Variants in DTNA observed in about 807,000 individuals in gnomAD.
DTNA encodes dystrophin-related protein 3.
A neutral mutation model predicts 100.7 loss-of-function variants in DTNA; 43 were observed. That is an observed-to-expected ratio of 0.43 (90% CI 0.33 to 0.55). The LOEUF is 0.55. Ranked by LOEUF, DTNA falls within the 20% of genes least tolerant of loss-of-function variation. DTNA has a pLI of 0.04. For missense variants in DTNA, 798 were observed against 953.9 expected, an observed-to-expected ratio of 0.84 and a Z score of 2.15; for synonymous variants, 349 against 347.9, an observed-to-expected ratio of 1.00 and a Z score of -0.04.
intron 1 of DTNA, among the ~76,000 whole-genome samples, chr18:34,692,865 T>C (rs72953225): frequency 0.096 from 14,490 of 150,428 alleles, 718 homozygotes; most frequent in South Asian, 0.11. Flanking sequence ...CTGTCTCTCT[T>C]TCTTTTTTCT....
intron 17 of DTNA, chr18:34,865,975 C>A: frequency 1.1e-6 from 1 of 914,246 alleles, no homozygotes; most frequent in Non-Finnish European, 1.8e-6. Context: ...GAGTGATAGT[C>A]ACTGAGGTGG....
intron 17 of DTNA, chr18:34,867,446 C>A: frequency 8.2e-7 from 1 of 1,224,724 alleles, no homozygotes; most frequent in Non-Finnish European, 1.0e-6. Flanking sequence ...GTATAATTGC[C>A]CATGAATGCA....
In DTNA at chr18:34,831,547, C is replaced by G. The variant is rs556337655; in HGVS notation, c.1175+2058C>G. ...ATTTGGGAGGCTGAGGTGAGCAGAT[C>G]ACCTGAGGTCAGGAGTTTGAGACCA... On this transcript the variant is annotated intron_variant, in intron 11 of 22. Coordinates refer to ENST00000444659, the MANE Select transcript of DTNA (RefSeq NM_001386795.1). Among the ~76,000 whole-genome samples, 3 of 152,288 alleles carry G rather than the reference C, an allele frequency of 2.0e-5. No individual in the cohort carries two copies. In the East Asian group the frequency reaches 5.8e-4, roughly 29 times the overall value.
intron 1 of DTNA, among the ~76,000 whole-genome samples, chr18:34,563,171 A>G (rs1362469972): frequency 2.0e-5 from 3 of 152,164 alleles, no homozygotes; most frequent in Non-Finnish European, 4.4e-5. Flanking sequence ...GTCATACTGG[A>G]TTAGAGTGGG....
chr18:34,521,699 T>TA (rs770556505), intron 1 of DTNA, among the ~76,000 whole-genome samples: 7 of 152,172 alleles, frequency 4.6e-5, no homozygotes, highest in Non-Finnish European at 8.8e-5. Flanking sequence ...CTGGAGCACT[T>TA]ACTCCACATC....
At chr18:34,609,533 C>T (rs1599003085) in intron 1 of DTNA, among the ~76,000 whole-genome samples, 1 of 152,106 alleles carries the variant, frequency 6.6e-6, no homozygotes, top group African/African-American at 2.4e-5. Context: ...CGTGAGCCAC[C>T]GCGCCTGGCC....
rs755763356 is a variant in DTNA, at chr18:34,794,188, C to T, written c.300C>T (p.His100=). 1 of 1,614,180 alleles carries T rather than the reference C, an allele frequency of 6.2e-7. No homozygotes were observed. Among genetic ancestry groups the T allele is most frequent in the Non-Finnish European group, 8.5e-7 (1 of 1,180,024 alleles). ...YQLNKRMPTT[H]QIHVEQSISL... ...TCAACAAACGGATGCCAACCACTCACCAAATCCATGTGGAGCAGTCCATCA... is the reference window on the plus strand; with the variant it reads ...TCAACAAACGGATGCCAACCACTCATCAAATCCATGTGGAGCAGTCCATCA... The change falls in exon 4 of 23, where the codon CAC becomes CAT. Residue 100 remains histidine (H), a synonymous_variant. Coordinates refer to ENST00000444659, the MANE Select transcript of DTNA (RefSeq NM_001386795.1).
chr18:34,882,934 A>C (rs2096887442), intron 21 of DTNA, among the ~76,000 whole-genome samples: 1 of 152,220 alleles, frequency 6.6e-6, no homozygotes. Flanking sequence ...AAGTAGGAGA[A>C]TGGCAAAATT....
intron 13 of DTNA, among the ~76,000 whole-genome samples, chr18:34,846,947 T>G (rs916385357): frequency 6.6e-6 from 1 of 152,206 alleles, no homozygotes; most frequent in East Asian, 1.9e-4. Context: ...GTTAATTTCT[T>G]TAAGGAAGAG....
intron 1 of DTNA, among the ~76,000 whole-genome samples, chr18:34,523,451 T>G (rs1055187885): frequency 1.3e-5 from 2 of 152,132 alleles, no homozygotes; most frequent in Non-Finnish European, 2.9e-5. Flanking sequence ...AAGATTAGAA[T>G]AATAATAATT....
intron 2 of DTNA, among the ~76,000 whole-genome samples, chr18:34,761,388 C>A (rs2093160913): frequency 2.0e-5 from 3 of 151,236 alleles, no homozygotes; most frequent in African/African-American, 7.3e-5. Context: ...GTTCAGAGTG[C>A]AAAAGCTAAA....
Position 34,610,755 on chromosome 18 carries a change from C to T in DTNA, c.-2+117241C>T, listed in dbSNP as rs75538688. ...AGCCTTCCTGTAAACTGTATGACTT[C>T]AGCATAGCTTATTTAACTTTTTATT... On this transcript the variant is annotated intron_variant, in intron 1 of 19. Transcript: ENST00000283365. Among the ~76,000 whole-genome samples the T allele has an allele frequency of 9.5e-3, 1,454 of 152,258 alleles. 18 individuals carry two copies. The highest frequency in any genetic ancestry group is 0.02 in the South Asian group (95 of 4,822).
At chr18:34,556,866 G>A (rs1341669916) in intron 1 of DTNA, among the ~76,000 whole-genome samples, 5 of 150,118 alleles carry the variant, frequency 3.3e-5, no homozygotes, top group Middle Eastern at 3.4e-3. Flanking sequence ...TGCTCTTCTC[G>A]AGGAGTATCT....
chr18:34,576,637 G>A (rs28361510), intron 1 of DTNA, among the ~76,000 whole-genome samples: 1 of 151,742 alleles, frequency 6.6e-6, no homozygotes, highest in African/African-American at 2.4e-5. Context: ...TTTTATATTT[G>A]TAGTAAAGAT....
At chr18:34,782,067 C>T (rs940649962) in intron 3 of DTNA, among the ~76,000 whole-genome samples, 1 of 152,184 alleles carries the variant, frequency 6.6e-6, no homozygotes, top group Non-Finnish European at 1.5e-5. Context: ...CCAATAAAGC[C>T]TTGTGGAGCT....
At chr18:34,841,026 T>G (rs113669469) in intron 13 of DTNA, among the ~76,000 whole-genome samples, 1,737 of 152,194 alleles carry the variant, frequency 0.011, 23 homozygotes, top group African/African-American at 0.04. Context: ...TTTAAAACAC[T>G]TACCTCATGC....
intron 1 of DTNA, among the ~76,000 whole-genome samples, chr18:34,695,981 T>C (rs891264206): frequency 6.6e-5 from 10 of 152,142 alleles, no homozygotes; most frequent in Non-Finnish European, 4.4e-5. Context: ...TAAAAAGCAA[T>C]GTAGAAACAA....
chr18:34,566,233 G>T (rs2047072298), intron 1 of DTNA, among the ~76,000 whole-genome samples: 1 of 151,724 alleles, frequency 6.6e-6, no homozygotes, highest in Non-Finnish European at 1.5e-5. Context: ...AAACAATAGG[G>T]AAACCAGCAG....
chr18:34,608,096 CTT>C (rs1847902888), intron 1 of DTNA, among the ~76,000 whole-genome samples: 1 of 152,182 alleles, frequency 6.6e-6, no homozygotes, highest in Non-Finnish European at 1.5e-5. Context: ...CTACCCTACT[CTT>C]TTGACAGACT....
Sources: gnomAD v4.1 joint callset for allele counts (sites outside exome capture counted in the v4.1 genomes callset) on GRCh38, gnomAD v4.1.1 for gene constraint, MANE v1.5 for transcripts, NCBI Gene and HGNC (gene_info 2026-07-23, HGNC 2026-07-21) for gene names.